The following ZNF721 variants were observed in gnomAD, a reference collection of about 807,000 sequenced individuals.
ZNF721 encodes zinc finger protein 721.
ZNF721 carries 2 observed loss-of-function variants against 2.4 expected under a neutral mutation model. That is an observed-to-expected ratio of 0.82 (90% CI 0.34 to 2.58). ZNF721 has a LOEUF of 2.58. Among genes scored for constraint, ZNF721 ranks in the 30% most tolerant of loss-of-function variants. ZNF721 has a pLI of 0.11. For synonymous variants in ZNF721, 398 were observed against 381.8 expected, an observed-to-expected ratio of 1.04 and a Z score of -0.50; for missense variants, 1,187 against 1,085.5, an observed-to-expected ratio of 1.09 and a Z score of -1.31.
intron 2 of ZNF721, among the ~76,000 whole-genome samples, chr4:454,785 C>A (rs548830727): frequency 1.9e-4 from 29 of 152,290 alleles, no homozygotes; most frequent in African/African-American, 6.7e-4. Flanking sequence ...GCTGTGTGAG[C>A]CCCTTGACAC....
chr4:460,750 A>C (rs1553865960), intron 2 of ZNF721, among the ~76,000 whole-genome samples: 1 of 152,218 alleles, frequency 6.6e-6, no homozygotes, highest in East Asian at 1.9e-4. Context: ...GACACAATGA[A>C]AAATGATAAA....
intron 1 of ZNF721, among the ~76,000 whole-genome samples, chr4:488,890 G>A (rs187334946): frequency 1.1e-3 from 161 of 152,166 alleles, no homozygotes; most frequent in African/African-American, 3.3e-3. Context: ...AGAGGAGGCA[G>A]TCAGAGGCTG....
At chr4:478,972 G>A (rs528003865) in intron 1 of ZNF721, among the ~76,000 whole-genome samples, 6 of 152,120 alleles carry the variant, frequency 3.9e-5, no homozygotes, top group African/African-American at 1.4e-4. Context: ...GGGTTTCACC[G>A]TGTTGGCCAG....
intron 2 of ZNF721, among the ~76,000 whole-genome samples, chr4:451,645 T>G (rs946034591): frequency 6.6e-6 from 1 of 152,236 alleles, no homozygotes; most frequent in Non-Finnish European, 1.5e-5. Context: ...CTTATTTTAT[T>G]CTTATTCTGC....
chr4:480,382 T>G (rs1466307862), intron 1 of ZNF721, among the ~76,000 whole-genome samples: 13 of 152,236 alleles, frequency 8.5e-5, no homozygotes, highest in African/African-American at 2.9e-4. Flanking sequence ...GACTCTTAAG[T>G]ACTTATTTCA....
At chr4:481,394 C>T (rs1056542460) in intron 1 of ZNF721, among the ~76,000 whole-genome samples, 26 of 152,256 alleles carry the variant, frequency 1.7e-4, no homozygotes, top group Non-Finnish European at 1.3e-4. Flanking sequence ...TAAGAGCTCA[C>T]TGGGATTGTG....
At position 444,293 on chromosome 4, in the gene ZNF721, C is replaced by A. The variant is rs369568483; in HGVS notation, c.174G>T (p.Val58=). The part of the protein sequence containing the change: ...QLRKGCKSMN[V]CKVQKGVYNG... ...TATAAACTCCCTTCTGCACTTTACA[C>A]ACGTTCATACTTTTACAGCCTTTCC... Residue 58 remains valine (V), a synonymous_variant, in exon 3 of 3, where the codon GTG becomes GTT. Coordinates refer to ENST00000511833, the MANE Select transcript of ZNF721 (RefSeq NM_133474.4). The A allele has an allele frequency of 7.6e-5, 123 of 1,614,118 alleles. 1 individual carries two copies. In the African/African-American group the frequency reaches 1.4e-3, roughly 18 times the overall value.
intron 1 of ZNF721, among the ~76,000 whole-genome samples, chr4:482,428 G>C (rs575380145): frequency 1.3e-5 from 2 of 152,250 alleles, no homozygotes; most frequent in East Asian, 3.9e-4. Flanking sequence ...GCCTCCCAAA[G>C]TGCTGGGATT....
intron 1 of ZNF721, among the ~76,000 whole-genome samples, chr4:473,754 T>G (rs1715538190): frequency 6.6e-6 from 1 of 152,130 alleles, no homozygotes; most frequent in Non-Finnish European, 1.5e-5. Context: ...CCGGGGAAGG[T>G]GCAGGGTTGC....
At position 441,693 on chromosome 4, in the gene ZNF721, C is replaced by G. The variant is rs782050585; in HGVS notation, c.*2G>C. The stretch of plus-strand genomic sequence containing the variant: ...TATGACTTAAAGGCTTTGCCACATT[C>G]TTTACACTTGTATGGTTTTATCTCC... On this transcript the variant is annotated 3_prime_UTR_variant, in exon 3 of 3. Transcript: ENST00000511833. 6.9e-6 allele frequency: 11 copies of G among 1,599,110 alleles called. No individual in the cohort carries two copies. In the African/African-American group the frequency reaches 1.2e-4, roughly 18 times the overall value.
intron 1 of ZNF721, among the ~76,000 whole-genome samples, chr4:488,400 AC>A (rs1182376163): frequency 6.6e-6 from 1 of 152,174 alleles, no homozygotes; most frequent in Non-Finnish European, 1.5e-5. Flanking sequence ...CCAAAGATAA[AC>A]AGCAAAACAA....
chr4:482,301 T>C (rs1168541865), intron 1 of ZNF721, among the ~76,000 whole-genome samples: 1 of 151,718 alleles, frequency 6.6e-6, no homozygotes, highest in Admixed American at 6.6e-5. Context: ...GCCACTAGGA[T>C]TACAGGCATG....
chr4:460,150 G>A (rs547469318), intron 2 of ZNF721, among the ~76,000 whole-genome samples: 22 of 152,096 alleles, frequency 1.4e-4, no homozygotes, highest in Non-Finnish European at 2.5e-4. Context: ...CATTATTCTC[G>A]GCACCACATC....
chr4:449,700 T>TA, intron 2 of ZNF721, among the ~76,000 whole-genome samples: 1 of 152,292 alleles, frequency 6.6e-6, no homozygotes, highest in South Asian at 2.1e-4. Context: ...ATTTACAGAA[T>TA]ATATAACAAA....
rs546269944 is a variant in ZNF721, at chr4:490,845, T to C, written c.-94+8211A>G. ...GGCTCATGCCTGTAATCCCAGCTAC[T>C]TGGGAGGCTGAGGCAGGAGAATCTC... On this transcript the variant is annotated intron_variant, in intron 1 of 2. Coordinates refer to ENST00000511833, the MANE Select transcript of ZNF721 (RefSeq NM_133474.4). 5.9e-4 allele frequency among the ~76,000 whole-genome samples: 90 copies of C among 152,036 alleles called. No individual in the cohort carries two copies. In the South Asian group the frequency reaches 0.019, roughly 32 times the overall value.
chr4:443,769 G>A lies in ZNF721; in HGVS notation c.698C>T (p.Ser233Phe), dbSNP rs782206149. Residue 233 changes from serine (S) to phenylalanine (F), a missense_variant, in exon 3 of 3, where the codon TCC (serine) becomes TTC (phenylalanine). By Grantham distance (155) the Ser-to-Phe change is radical. Transcript: ENST00000511833. ...TTTCTCATGTTTATTCAGGTGTGAG[G>A]AATGCATAAAGGCTTTCCCACATTC... ...CKECGKAFMH[S>F]SHLNKHEKIH... 10 of 1,613,486 alleles carry A rather than the reference G, an allele frequency of 6.2e-6. No homozygotes were observed. The highest frequency in any genetic ancestry group is 2.2e-5 in the South Asian group (2 of 91,024).
chr4:468,993 G>A (rs1576964969), intron 2 of ZNF721, among the ~76,000 whole-genome samples: 1 of 152,278 alleles, frequency 6.6e-6, no homozygotes, highest in African/African-American at 2.4e-5. Context: ...TAGATAATAT[G>A]ATCATGCATA....
intron 2 of ZNF721, among the ~76,000 whole-genome samples, chr4:452,117 T>C (rs1458819164): frequency 6.6e-6 from 1 of 152,220 alleles, no homozygotes; most frequent in Non-Finnish European, 1.5e-5. Flanking sequence ...TGACTGGCCC[T>C]GGCCAGGCCT....
At chr4:481,575 C>CTTTTTTTTT (rs77613258) in intron 1 of ZNF721, among the ~76,000 whole-genome samples, 1 of 142,834 alleles carries the variant, frequency 7.0e-6, no homozygotes. Context: ...TCTTTTCTTT[C>CTTTTTTTTT]TTTTTTTTTT....
Sources: allele counts gnomAD v4.1 joint callset (sites outside exome capture counted in the v4.1 genomes callset), GRCh38; gene constraint gnomAD v4.1.1; transcripts MANE v1.5; gene names NCBI Gene and HGNC (gene_info 2026-07-23, HGNC 2026-07-21).